DSCAM: variants seen among roughly 807,000 people sequenced by gnomAD.
DSCAM encodes DS cell adhesion molecule, also known as cell adhesion molecule DSCAM.
Under a neutral mutation model 217.7 loss-of-function variants are expected in DSCAM, and 47 were observed. That is an observed-to-expected ratio of 0.22 (90% CI 0.17 to 0.28). DSCAM has a LOEUF of 0.28. Among genes scored for constraint, DSCAM ranks in the 10% least tolerant of loss-of-function variants. DSCAM has a pLI of 1.00. For missense variants in DSCAM, 2,080 were observed against 2,618.3 expected, an observed-to-expected ratio of 0.79 and a Z score of 4.49; for synonymous variants, 1,056 against 1,015.3, an observed-to-expected ratio of 1.04 and a Z score of -0.76.
intron 10 of DSCAM, among the ~76,000 whole-genome samples, chr21:40,294,903 G>T (rs1018591189): frequency 6.6e-6 from 1 of 152,112 alleles, no homozygotes; most frequent in Non-Finnish European, 1.5e-5. Context: ...TGTGACAGGG[G>T]AGTTGCTTCA....
intron 10 of DSCAM, among the ~76,000 whole-genome samples, chr21:40,290,704 A>C (rs1299422417): frequency 6.6e-6 from 1 of 152,256 alleles, no homozygotes; most frequent in Non-Finnish European, 1.5e-5. Context: ...TTCCTTCTAC[A>C]GGGAAATCAG....
Position 40,570,720 on chromosome 21 carries a change from G to A in DSCAM, c.508+122090C>T, listed in dbSNP as rs113207888. Among the ~76,000 whole-genome samples the A allele has an allele frequency of 4.8e-3, 729 of 152,276 alleles. 6 individuals are homozygous for A. The highest frequency in any genetic ancestry group is 0.016 in the African/African-American group (679 of 41,560). ...AAAACTCAGATGGAACTATCAGGAC[G>A]TAACTGTATGATACTAGGTAGGAAG... On this transcript the variant is annotated intron_variant, in intron 3 of 32. Transcript: ENST00000400454.
At chr21:40,455,669 T>G (rs1198375795) in intron 3 of DSCAM, among the ~76,000 whole-genome samples, 2 of 152,140 alleles carry the variant, frequency 1.3e-5, no homozygotes, top group Admixed American at 1.3e-4. Context: ...CTGGGGAGGC[T>G]GAGGCAGGAG....
Position 40,659,390 on chromosome 21 carries a change from TATC to T in DSCAM, c.508+33417_508+33419del, listed in dbSNP as rs1214448419. Among the ~76,000 whole-genome samples the T allele has an allele frequency of 4.4e-3, 602 of 137,474 alleles. 3 individuals carry two copies. The highest frequency in any genetic ancestry group is 0.016 in the African/African-American group (537 of 33,510). 90.2% of individuals were successfully genotyped at this position (137,474 alleles called of 152,430 possible). A position where few individuals can be genotyped will look rare whatever the true frequency, so the allele number is the denominator to read the frequency against. On this transcript the variant is annotated intron_variant, in intron 3 of 32. Transcript: ENST00000400454. The stretch of plus-strand genomic sequence containing the variant: ...CTATCTATCTATCTATCTATCTATC[TATC>T]ATCTCTCTCATCTCTCTATCACTCT...
intron 6 of DSCAM, among the ~76,000 whole-genome samples, chr21:40,345,902 C>A (rs758440698): frequency 6.6e-6 from 1 of 151,688 alleles, no homozygotes; most frequent in Non-Finnish European, 1.5e-5. Flanking sequence ...GCTGGCGGTG[C>A]GCCTCGGCCC....
At chr21:40,506,088 T>C (rs1208145320) in intron 3 of DSCAM, among the ~76,000 whole-genome samples, 1 of 152,236 alleles carries the variant, frequency 6.6e-6, no homozygotes, top group Non-Finnish European at 1.5e-5. Context: ...AAAGATTTAC[T>C]GAAGGAACTT....
At chr21:40,350,476 G>GA (rs1002837244) in intron 5 of DSCAM, among the ~76,000 whole-genome samples, 4 of 151,662 alleles carry the variant, frequency 2.6e-5, no homozygotes, top group African/African-American at 7.3e-5. Flanking sequence ...AAAAGTGGGT[G>GA]AAAAAAAAGC....
chr21:40,348,832 T>C (rs2074595936), intron 5 of DSCAM, among the ~76,000 whole-genome samples: 1 of 152,072 alleles, frequency 6.6e-6, no homozygotes, highest in African/African-American at 2.4e-5. Flanking sequence ...AGGATGTTGA[T>C]ATAAATCCAC....
chr21:40,486,451 C>A (rs533483472), intron 3 of DSCAM, among the ~76,000 whole-genome samples: 89 of 147,004 alleles, frequency 6.1e-4, no homozygotes, highest in African/African-American at 1.9e-3. Context: ...GGCAGGCAGG[C>A]AGGAAGGAAG....
chr21:40,287,022 C>A (rs567038868), intron 10 of DSCAM, among the ~76,000 whole-genome samples: 3 of 150,962 alleles, frequency 2.0e-5, no homozygotes, highest in African/African-American at 7.3e-5. Context: ...CAGGTATCTG[C>A]GGTGTGATCT....
At chr21:40,533,597 CT>C in intron 3 of DSCAM, among the ~76,000 whole-genome samples, 1 of 100,130 alleles carries the variant, frequency 1.0e-5, no homozygotes, top group Non-Finnish European at 1.7e-5. Flanking sequence ...ATCCATCCAC[CT>C]GTCTGTCCAT....
At chr21:40,104,300 A>C (rs444436) in intron 20 of DSCAM, among the ~76,000 whole-genome samples, 79,709 of 152,022 alleles carry the variant, frequency 0.52, 21,496 homozygotes, top group South Asian at 0.61. Flanking sequence ...TGAGAAACAC[A>C]ATTCTTAGTA....
At chr21:40,403,758 T>C (rs1156458912) in intron 3 of DSCAM, among the ~76,000 whole-genome samples, 1 of 152,124 alleles carries the variant, frequency 6.6e-6, no homozygotes, top group Non-Finnish European at 1.5e-5. Flanking sequence ...TAAAATGTGA[T>C]AGAAGGCCCT....
At chr21:40,699,194 T>C (rs1340983506) in intron 2 of DSCAM, among the ~76,000 whole-genome samples, 2 of 152,198 alleles carry the variant, frequency 1.3e-5, no homozygotes, top group Admixed American at 6.5e-5. Flanking sequence ...ATTACTATTG[T>C]AATTGTTTTG....
chr21:40,603,526 C>T (rs2077078070), intron 3 of DSCAM, among the ~76,000 whole-genome samples: 4 of 152,158 alleles, frequency 2.6e-5, no homozygotes, highest in Non-Finnish European at 1.5e-5. Context: ...TTATGTAAAT[C>T]TGAATTTCTG....
intron 1 of DSCAM, among the ~76,000 whole-genome samples, chr21:40,739,048 G>A (rs1427327386): frequency 6.6e-6 from 1 of 152,202 alleles, no homozygotes; most frequent in Non-Finnish European, 1.5e-5. Flanking sequence ...AGAGCTGGCT[G>A]TCCTTCCCAT....
chr21:40,032,386 G>A (rs2088543322), intron 32 of DSCAM, among the ~76,000 whole-genome samples: 1 of 152,012 alleles, frequency 6.6e-6, no homozygotes, highest in Admixed American at 6.6e-5. Context: ...TTATACCTCG[G>A]TGTAGTTTTT....
intron 11 of DSCAM, among the ~76,000 whole-genome samples, chr21:40,240,549 C>A (rs1347442142): frequency 6.6e-6 from 1 of 152,028 alleles, no homozygotes; most frequent in Non-Finnish European, 1.5e-5. Context: ...ACCTAAATTA[C>A]CTTATATTTT....
At chr21:40,157,690 CTTTTTTCTT>C (rs2090494006) in intron 16 of DSCAM, among the ~76,000 whole-genome samples, 1 of 69,304 alleles carries the variant, frequency 1.4e-5, no homozygotes. Context: ...CTTTCCTTTT[CTTTTTTCTT>C]TTTTTTTTTT....
Sources: gnomAD v4.1 joint callset for allele counts (sites outside exome capture counted in the v4.1 genomes callset) on GRCh38, gnomAD v4.1.1 for gene constraint, MANE v1.5 for transcripts, NCBI Gene and HGNC (gene_info 2026-07-23, HGNC 2026-07-21) for gene names.